TRPM6: variants seen among roughly 807,000 people sequenced by gnomAD.
TRPM6 encodes channel kinase 2.
Under a neutral mutation model 247.6 loss-of-function variants are expected in TRPM6, and 111 were observed. That is an observed-to-expected ratio of 0.45 (90% CI 0.38 to 0.52). The LOEUF (loss-of-function observed/expected upper bound fraction) is 0.52, where lower values mean the gene tolerates loss of function less well. Ranked by LOEUF, TRPM6 falls within the 20% of genes least tolerant of loss-of-function variation. TRPM6 has a pLI of 0.00. For missense variants in TRPM6, 2,126 were observed against 2,421.5 expected (o/e 0.88, Z 2.56); for synonymous variants, 892 against 853.8 (o/e 1.04, Z -0.78).
At chr9:74,867,749 C>T (rs1193353742) in intron 1 of TRPM6, among the ~76,000 whole-genome samples, 1 of 152,102 alleles carries the variant, frequency 6.6e-6, no homozygotes, top group Admixed American at 6.6e-5. Flanking sequence ...AGGATACATC[C>T]TATCAGTTTA....
At chr9:74,779,211 A>G (rs1827331205) in intron 23 of TRPM6, among the ~76,000 whole-genome samples, 1 of 152,164 alleles carries the variant, frequency 6.6e-6, no homozygotes, top group Non-Finnish European at 1.5e-5. Context: ...AGGGAGGCGG[A>G]GGTTGCAGTG....
At chr9:74,757,113 G>A (rs1221202552) in intron 27 of TRPM6, among the ~76,000 whole-genome samples, 1 of 150,862 alleles carries the variant, frequency 6.6e-6, no homozygotes, top group Non-Finnish European at 1.5e-5. Context: ...GGGAGGCGGA[G>A]GATGCAGTGA....
At chr9:74,795,156 C>T (rs1336335577) in intron 18 of TRPM6, among the ~76,000 whole-genome samples, 1 of 152,122 alleles carries the variant, frequency 6.6e-6, no homozygotes, top group Non-Finnish European at 1.5e-5. Flanking sequence ...GACCCTCTTC[C>T]TCTCCACGTC....
At chr9:74,883,337 G>A (rs775057607) in intron 1 of TRPM6, among the ~76,000 whole-genome samples, 22 of 152,068 alleles carry the variant, frequency 1.4e-4, no homozygotes, top group Non-Finnish European at 2.9e-4. Context: ...TTTAATGATT[G>A]TGATTTTATA....
In TRPM6 at chr9:74,827,930, G is replaced by A. The variant is rs892711940; in HGVS notation, c.689C>T (p.Thr230Ile). The A allele has an allele frequency of 3.1e-6, 5 of 1,614,134 alleles. No individual in the cohort carries two copies. In the African/African-American group the frequency reaches 6.7e-5, roughly 22 times the overall value. ...GAGCTTGCTGAGGGGGTTATCCAGA[G>A]TCTGGTACAGGCACACCACCTGAGA... ...IGKDVVCLYQ[T>I]LDNPLSKLTT... Residue 230 changes from threonine (T) to isoleucine (I), a missense_variant, in exon 7 of 39, where the codon ACT becomes ATT. Thr to Ile is a moderately conservative substitution (Grantham distance 89). Transcript: ENST00000360774.
At chr9:74,825,023 G>A (rs1829279797) in intron 7 of TRPM6, among the ~76,000 whole-genome samples, 1 of 152,204 alleles carries the variant, frequency 6.6e-6, no homozygotes, top group Admixed American at 6.5e-5. Context: ...ACTTTGGGAG[G>A]CCAAGGCAGG....
At chr9:74,837,962 T>G (rs558399669) in intron 5 of TRPM6, among the ~76,000 whole-genome samples, 1 of 152,114 alleles carries the variant, frequency 6.6e-6, no homozygotes, top group East Asian at 1.9e-4. Flanking sequence ...TTGCCCAGGG[T>G]GGTCTCGAAC....
chr9:74,731,726 T>C (rs1397503833), intron 37 of TRPM6, among the ~76,000 whole-genome samples: 1 of 148,800 alleles, frequency 6.7e-6, no homozygotes, highest in Non-Finnish European at 1.5e-5. Flanking sequence ...ATAATATATA[T>C]ATAAAACTAC....
chr9:74,738,310 A>C (rs1825756850), intron 36 of TRPM6, 97 bp downstream of exon 36: 3 of 1,296,502 alleles, frequency 2.3e-6, no homozygotes, highest in Non-Finnish European at 3.3e-6. Context: ...TTCAAAGCTA[A>C]ATAGAGCAAC....
At chr9:74,843,167 T>C (rs930120505) in intron 3 of TRPM6, among the ~76,000 whole-genome samples, 5 of 152,330 alleles carry the variant, frequency 3.3e-5, no homozygotes, top group Non-Finnish European at 4.4e-5. Context: ...TCTTTATTCA[T>C]CCATAAGAAG....
At chr9:74,740,944 G>C (rs1441153868) in intron 33 of TRPM6, among the ~76,000 whole-genome samples, 2 of 152,106 alleles carry the variant, frequency 1.3e-5, no homozygotes, top group African/African-American at 4.8e-5. Flanking sequence ...CAGTACCAAT[G>C]TCATACCCCA....
At chr9:74,782,903 A>G in intron 21 of TRPM6, 50 bp from the exon 22 acceptor site, 1 of 1,562,118 alleles carries the variant, frequency 6.4e-7, no homozygotes, top group Non-Finnish European at 8.8e-7. Context: ...TTTGAAGTTC[A>G]AAAGAAACCA....
chr9:74,805,245 G>A (rs1480650177), intron 14 of TRPM6, among the ~76,000 whole-genome samples: 1 of 152,128 alleles, frequency 6.6e-6, no homozygotes, highest in Non-Finnish European at 1.5e-5. Context: ...CATTCTCCTA[G>A]GAAGAAATAC....
In TRPM6 at chr9:74,762,158, T is replaced by C. The variant is rs1374333835; in HGVS notation, c.4513A>G (p.Arg1505Gly). 2 of 1,614,208 alleles carry C rather than the reference T, an allele frequency of 1.2e-6. No individual in the cohort carries two copies. The highest frequency in any genetic ancestry group is 2.2e-5 in the East Asian group (1 of 44,886). Residue 1505 changes from arginine (R) to glycine (G), a missense_variant, in exon 26 of 39, where the codon AGA (arginine) becomes GGA (glycine). By Grantham distance (125) the Arg-to-Gly change is moderately radical. Around this residue, in one of 3 missense-constraint regions of TRPM6, gnomAD observed 717 missense variants for 715.9 expected, o/e 1.00. Coordinates refer to ENST00000360774, the MANE Select transcript of TRPM6 (RefSeq NM_017662.5). The part of the protein sequence containing the change: ...QDSSLSDNST[R>G]SAQSSECSEV... The stretch of plus-strand genomic sequence containing the variant: ...GAGCATTCACTACTCTGGGCCGATC[T>C]TGTTGAGTTATCAGATAGGGAGCTG...
chr9:74,725,432 T>TC (rs1825283125), intron 38 of TRPM6, among the ~76,000 whole-genome samples: 2 of 152,188 alleles, frequency 1.3e-5, no homozygotes, highest in Non-Finnish European at 2.9e-5. Flanking sequence ...ATATTAATAA[T>TC]AAAACAATCA....
intron 3 of TRPM6, among the ~76,000 whole-genome samples, chr9:74,844,544 T>C (rs1245809442): frequency 2.0e-5 from 3 of 152,232 alleles, no homozygotes; most frequent in African/African-American, 7.2e-5. Flanking sequence ...TTTGAAGCTT[T>C]CTCACCTCTC....
intron 3 of TRPM6, among the ~76,000 whole-genome samples, chr9:74,842,872 T>A (rs1336745066): frequency 6.6e-6 from 1 of 152,204 alleles, no homozygotes; most frequent in African/African-American, 2.4e-5. Context: ...CTGATCAGAA[T>A]GGTGGTTGCT....
At chr9:74,739,623 C>A in intron 34 of TRPM6, 100 bp downstream of exon 34, 1 of 1,556,096 alleles carries the variant, frequency 6.4e-7, no homozygotes, top group South Asian at 1.1e-5. Flanking sequence ...TAATAGGCTC[C>A]CCTTTGGGTT....
At chr9:74,831,754 T>G (rs150729482) in intron 6 of TRPM6, among the ~76,000 whole-genome samples, 2 of 152,238 alleles carry the variant, frequency 1.3e-5, no homozygotes, top group African/African-American at 4.8e-5. Flanking sequence ...TTTACATTTA[T>G]GAGTTAAGAA....
Sources: gnomAD v4.1 joint callset for allele counts (sites outside exome capture counted in the v4.1 genomes callset) on GRCh38, gnomAD v4.1.1 for gene constraint, gnomAD v4.1.1 regional missense constraint, MANE v1.5 for transcripts, NCBI Gene and HGNC (gene_info 2026-07-23, HGNC 2026-07-21) for gene names.